LHFPL2: variants seen among roughly 807,000 people sequenced by gnomAD.
The protein encoded by LHFPL2 is LHFPL tetraspan subfamily member 2 protein.
LHFPL2 carries 7 observed loss-of-function variants against 17.5 expected under a neutral mutation model. The ratio of observed to expected loss-of-function variants is 0.40; its 90% CI spans 0.23 to 0.75. The LOEUF (loss-of-function observed/expected upper bound fraction) is 0.75. Among genes scored for constraint, LHFPL2 ranks in the 30% least tolerant of loss-of-function variants. The pLI, the probability that LHFPL2 is intolerant of heterozygous loss-of-function variation, is 0.37. For synonymous variants in LHFPL2, 134 were observed against 116.2 expected, an observed-to-expected ratio of 1.15 and a Z score of -0.99; for missense variants, 241 against 294.8, an observed-to-expected ratio of 0.82 and a Z score of 1.34.
intron 3 of LHFPL2, among the ~76,000 whole-genome samples, chr5:78,520,024 A>G (rs1343032662): frequency 6.6e-6 from 1 of 151,292 alleles, no homozygotes; most frequent in Non-Finnish European, 1.5e-5. Flanking sequence ...CTCTAAGGAC[A>G]GTTTCCTCAT....
chr5:78,496,735 T>C (rs749059179), intron 4 of LHFPL2, among the ~76,000 whole-genome samples: 1 of 151,656 alleles, frequency 6.6e-6, no homozygotes, highest in Non-Finnish European at 1.5e-5. Context: ...ACAGGACAGT[T>C]ATTCTCATAT....
In LHFPL2 at chr5:78,510,411, G is replaced by T; in HGVS notation, c.-185-13C>A. On this transcript the variant is annotated splice_polypyrimidine_tract_variant and intron_variant, in intron 3 of 4. Transcript: ENST00000380345. ...CCTGCGGCCTCACCTAGGGGAGAGGGAGGGCGGTTAGCAGCGCCGCCAGGC... is the reference window on the plus strand; with the variant it reads ...CCTGCGGCCTCACCTAGGGGAGAGGTAGGGCGGTTAGCAGCGCCGCCAGGC... The T allele has an allele frequency of 1.8e-6, 1 of 558,278 alleles. No individual in the cohort carries two copies. The highest frequency in any genetic ancestry group is 3.1e-6 in the Non-Finnish European group (1 of 327,418). 34.6% of individuals were successfully genotyped at this position (558,278 alleles called of 1,614,324 possible).
intron 3 of LHFPL2, among the ~76,000 whole-genome samples, chr5:78,537,306 C>T (rs998261): frequency 0.013 from 1,987 of 152,248 alleles, 40 homozygotes; most frequent in African/African-American, 0.044. Flanking sequence ...CAGCTGCCTC[C>T]CTTGACCTGC....
chr5:78,517,263 C>T (rs148690754), intron 3 of LHFPL2, among the ~76,000 whole-genome samples: 2,201 of 152,308 alleles, frequency 0.014, 44 homozygotes, highest in African/African-American at 0.026. Context: ...GGCATGGGAT[C>T]CCCCACTGAG....
At chr5:78,534,867 G>A (rs896894434) in intron 3 of LHFPL2, among the ~76,000 whole-genome samples, 8 of 152,178 alleles carry the variant, frequency 5.3e-5, no homozygotes, top group Admixed American at 1.3e-4. Flanking sequence ...TAGAGGCAGG[G>A]GCAAGGCCTG....
At chr5:78,646,680 A>T (rs1323436310) in intron 1 of LHFPL2, among the ~76,000 whole-genome samples, 1 of 152,130 alleles carries the variant, frequency 6.6e-6, no homozygotes, top group African/African-American at 2.4e-5. Flanking sequence ...TTTTTTATAT[A>T]TTGTTTTTCT....
chr5:78,534,813 TC>T (rs1472387822), intron 3 of LHFPL2, among the ~76,000 whole-genome samples: 3 of 152,094 alleles, frequency 2.0e-5, no homozygotes, highest in Non-Finnish European at 4.4e-5. Context: ...CACCTTGCCG[TC>T]CTGGCAAAAC....
chr5:78,575,003 G>A (rs1310183740), intron 2 of LHFPL2, among the ~76,000 whole-genome samples: 4 of 152,116 alleles, frequency 2.6e-5, no homozygotes, highest in Admixed American at 6.5e-5. Context: ...ATCGAGAGAC[G>A]TAAAGTGACC....
chr5:78,617,493 T>A (rs1744662936), intron 2 of LHFPL2, among the ~76,000 whole-genome samples: 2 of 152,196 alleles, frequency 1.3e-5, no homozygotes, highest in African/African-American at 4.8e-5. Flanking sequence ...CATCCATCTG[T>A]GCACCCATGG....
rs754360036 is a variant in LHFPL2, at chr5:78,510,256, TAATC to T, written c.-47_-44del. ...AGAAAGAGTCAGGAGTCCACGGAGT[TAATC>T]AAAACAAGAAAGTCGGTGGGGAAGG... On this transcript the variant is annotated 5_prime_UTR_variant, in exon 4 of 5. An upstream open reading frame in the 5' UTR loses its in-frame stop. Transcript: ENST00000380345. 1.3e-6 allele frequency: 2 copies of T among 1,517,310 alleles called. No homozygotes were observed. The highest frequency in any genetic ancestry group is 2.3e-5 in the East Asian group (1 of 43,660). 94.0% of individuals were successfully genotyped at this position (1,517,310 alleles called of 1,614,324 possible).
chr5:78,637,471 A>T (rs1745495774), intron 1 of LHFPL2, among the ~76,000 whole-genome samples: 1 of 152,186 alleles, frequency 6.6e-6, no homozygotes, highest in Non-Finnish European at 1.5e-5. Context: ...CTAAAGGATT[A>T]AAGGCATCCC....
At chr5:78,547,785 C>G (rs1021854047) in intron 3 of LHFPL2, among the ~76,000 whole-genome samples, 1 of 152,222 alleles carries the variant, frequency 6.6e-6, no homozygotes, top group Non-Finnish European at 1.5e-5. Context: ...GTTTAACTGC[C>G]GCTCAGCGGA....
At chr5:78,594,873 G>C (rs969795815) in intron 2 of LHFPL2, among the ~76,000 whole-genome samples, 27 of 152,218 alleles carry the variant, frequency 1.8e-4, no homozygotes, top group African/African-American at 6.5e-4. Context: ...ACCAAAGAAA[G>C]AATATAAATT....
At chr5:78,614,031 G>A (rs1004786823) in intron 2 of LHFPL2, among the ~76,000 whole-genome samples, 1 of 152,148 alleles carries the variant, frequency 6.6e-6, no homozygotes, top group Non-Finnish European at 1.5e-5. Context: ...GGTCACCAGA[G>A]TACCCTACGG....
At chr5:78,584,384 C>A (rs1743285010) in intron 2 of LHFPL2, among the ~76,000 whole-genome samples, 1 of 152,172 alleles carries the variant, frequency 6.6e-6, no homozygotes, top group African/African-American at 2.4e-5. Context: ...TCCAGTTTTT[C>A]TGCTCTGTTT....
intron 2 of LHFPL2, among the ~76,000 whole-genome samples, chr5:78,595,019 G>T (rs1743774145): frequency 6.6e-6 from 1 of 152,166 alleles, no homozygotes; most frequent in Admixed American, 6.5e-5. Context: ...ATCTCTCAGG[G>T]ACCAGATAGC....
chr5:78,584,107 T>C (rs1294370753), intron 2 of LHFPL2, among the ~76,000 whole-genome samples: 2 of 151,064 alleles, frequency 1.3e-5, no homozygotes, highest in East Asian at 3.9e-4. Context: ...CTTCACGTAG[T>C]TCTCGAGCCT....
intron 3 of LHFPL2, among the ~76,000 whole-genome samples, chr5:78,559,069 A>G (rs1279589990): frequency 6.6e-6 from 1 of 152,000 alleles, no homozygotes; most frequent in Non-Finnish European, 1.5e-5. Context: ...CTACTCTCCC[A>G]AACTTCCCTT....
At chr5:78,620,615 T>C (rs1744817696) in intron 2 of LHFPL2, among the ~76,000 whole-genome samples, 1 of 152,168 alleles carries the variant, frequency 6.6e-6, no homozygotes, top group South Asian at 2.1e-4. Context: ...ACACTTTTCA[T>C]GGTCACGAAT....
Sources: allele counts gnomAD v4.1 joint callset (sites outside exome capture counted in the v4.1 genomes callset), GRCh38; gene constraint gnomAD v4.1.1; transcripts MANE v1.5; gene names NCBI Gene and HGNC (gene_info 2026-07-23, HGNC 2026-07-21).